PKHD1L1: variants seen among roughly 807,000 people sequenced by gnomAD.
PKHD1L1 encodes the protein fibrocystin-L.
In PKHD1L1, 434 loss-of-function variants were observed where a neutral mutation model predicts 462.9. That is an observed-to-expected ratio of 0.94 (90% CI 0.87 to 1.02). The LOEUF is 1.02. Ranked by LOEUF, PKHD1L1 falls within the 50% of genes least tolerant of loss-of-function variation. The pLI is 0.00. For synonymous variants in PKHD1L1, 1,781 were observed against 1,750.0 expected (o/e 1.02, Z -0.44); for missense variants, 5,202 against 5,096.1 (o/e 1.02, Z -0.63).
At chr8:109,433,310 AT>A (rs1815214894) in intron 28 of PKHD1L1, 94 bp downstream of exon 28, 15 of 1,054,926 alleles carry the variant, frequency 1.4e-5, no homozygotes, top group East Asian at 2.4e-5. Context: ...ATCGTGTACA[AT>A]TATCATGATC....
Position 109,443,706 on chromosome 8 carries a change from C to A in PKHD1L1, c.4595C>A (p.Ser1532Tyr), listed in dbSNP as rs1442944041. 2.5e-6 allele frequency: 4 copies of A among 1,613,366 alleles called. No individual in the cohort carries two copies. The highest frequency in any genetic ancestry group is 3.4e-6 in the Non-Finnish European group (4 of 1,179,606). The change falls in exon 37 of 78, where the codon TCT becomes TAT. Residue 1532 changes from serine to tyrosine, a missense_variant. This residue lies in a region of PKHD1L1 where 4,497 missense variants were observed against 4,336.8 expected (regional missense o/e 1.04). Coordinates refer to ENST00000378402, the MANE Select transcript of PKHD1L1 (RefSeq NM_177531.6). ...GGPENLHLGS[S>Y]VAGCLATEPL... ...CCTGAGAATTTGCACTTGGGAAGCTCTGTGGCAGGCTGCCTAGCAACAGAA... is the reference window on the plus strand; with the variant it reads ...CCTGAGAATTTGCACTTGGGAAGCTATGTGGCAGGCTGCCTAGCAACAGAA...
intron 46 of PKHD1L1, among the ~76,000 whole-genome samples, chr8:109,457,821 CTAAAGAAAT>C (rs2130807842): frequency 6.6e-6 from 1 of 152,228 alleles, no homozygotes; most frequent in East Asian, 1.9e-4. Flanking sequence ...AACTTCTTTT[CTAAAGAAAT>C]CATTGTATCA....
At chr8:109,376,558 G>T (rs1444942785) in intron 2 of PKHD1L1, among the ~76,000 whole-genome samples, 1 of 152,152 alleles carries the variant, frequency 6.6e-6, no homozygotes, top group South Asian at 2.1e-4. Context: ...TACCTCAGTT[G>T]GAAATGCAGA....
chr8:109,414,028 AC>A (rs1407674167), intron 21 of PKHD1L1, among the ~76,000 whole-genome samples: 1 of 152,112 alleles, frequency 6.6e-6, no homozygotes, highest in Non-Finnish European at 1.5e-5. Flanking sequence ...AACAAAATAA[AC>A]CTAGAGAAGC....
At position 109,454,872 on chromosome 8, in the gene PKHD1L1, A is replaced by G; in HGVS notation, c.6874+20A>G. On this transcript the variant is annotated intron_variant, in intron 45 of 77. Transcript: ENST00000378402. ...TGCACGGTACTGTGGCCAAGTGGCT[A>G]AGGGAGTTGGTAGAGGAAGACTCAC... is the stretch of plus-strand genomic sequence containing the variant. The G allele has an allele frequency of 6.2e-7, 1 of 1,603,580 alleles. No individual in the cohort carries two copies. Among genetic ancestry groups the G allele is most frequent in the Non-Finnish European group, 8.5e-7 (1 of 1,174,372 alleles).
intron 49 of PKHD1L1, among the ~76,000 whole-genome samples, 169 bp downstream of exon 49, chr8:109,465,414 G>A (rs941425429): frequency 5.3e-5 from 8 of 152,114 alleles, no homozygotes; most frequent in African/African-American, 1.4e-4. Context: ...TGAGACATTC[G>A]TTTCTGGAAG....
intron 1 of PKHD1L1, among the ~76,000 whole-genome samples, chr8:109,362,916 A>G (rs1022326020): frequency 1.3e-5 from 2 of 152,106 alleles, no homozygotes; most frequent in Admixed American, 6.6e-5. Flanking sequence ...CTGCTACTTG[A>G]ATGATGAAAT....
rs1038371667 is a variant in PKHD1L1 at position 109,436,333 on chromosome 8, T to C, written c.3506-5T>C. The C allele has an allele frequency of 6.2e-7, 1 of 1,602,266 alleles. No homozygotes were observed. The highest frequency in any genetic ancestry group is 8.5e-7 in the Non-Finnish European group (1 of 1,177,278). ...TTGTTGTTTTTGTTTGCTTTTCTTA[T>C]GAAGGTGGTACTCTACTGACTTTAT... On this transcript the variant is annotated splice_region_variant and splice_polypyrimidine_tract_variant and intron_variant, in intron 29 of 77. Coordinates refer to ENST00000378402, the MANE Select transcript of PKHD1L1 (RefSeq NM_177531.6).
intron 29 of PKHD1L1, among the ~76,000 whole-genome samples, chr8:109,436,053 C>T (rs1815389911): frequency 6.6e-6 from 1 of 152,180 alleles, no homozygotes; most frequent in African/African-American, 2.4e-5. Context: ...TGAAAAATAG[C>T]AGATGCTGCT....
At chr8:109,502,238 T>C (rs1819457870) in intron 67 of PKHD1L1, among the ~76,000 whole-genome samples, 1 of 152,182 alleles carries the variant, frequency 6.6e-6, no homozygotes, top group Non-Finnish European at 1.5e-5. Context: ...CATTTCTACT[T>C]AATGTGGGCC....
At chr8:109,462,742 A>T (rs543010103) in intron 48 of PKHD1L1, among the ~76,000 whole-genome samples, 1 of 152,038 alleles carries the variant, frequency 6.6e-6, no homozygotes, top group Non-Finnish European at 1.5e-5. Flanking sequence ...GAGTTTCACC[A>T]TGTTGGCCAG....
At chr8:109,456,133 T>C (rs1360415821) in intron 45 of PKHD1L1, 129 bp from the exon 46 acceptor site, 1 of 909,286 alleles carries the variant, frequency 1.1e-6, no homozygotes, top group East Asian at 2.8e-5. Flanking sequence ...TGGAGAAATG[T>C]GTGAAATGCT....
chr8:109,504,903 TA>T (rs967651081), intron 68 of PKHD1L1, among the ~76,000 whole-genome samples: 34 of 151,904 alleles, frequency 2.2e-4, no homozygotes, highest in African/African-American at 8.0e-4. Flanking sequence ...TCCTGGAAAA[TA>T]ACTCTGCCAC....
At chr8:109,461,589 C>CAAG (rs1817127602) in intron 47 of PKHD1L1, among the ~76,000 whole-genome samples, 183 bp from the exon 48 acceptor site, 1 of 152,030 alleles carries the variant, frequency 6.6e-6, no homozygotes, top group African/African-American at 2.4e-5. Context: ...CAAAGTTGAA[C>CAAG]AAGACAAGGT....
rs778733918 is a variant in PKHD1L1 at position 109,427,142 on chromosome 8, C to A, written c.2986C>A (p.Gln996Lys). The change falls in exon 25 of 78, where the codon CAG (glutamine) becomes AAG (lysine). Residue 996 changes from glutamine (Q) to lysine (K), a missense_variant. This residue lies in a region of PKHD1L1 where 4,497 missense variants were observed against 4,336.8 expected (regional missense o/e 1.04). Coordinates refer to ENST00000378402, the MANE Select transcript of PKHD1L1 (RefSeq NM_177531.6). ...CAAATGGAGAAGCACCTGCGGAAAG[C>A]AGAATCTTCTACAGGTTCCCTCATT... is the stretch of plus-strand genomic sequence containing the variant. The part of the protein sequence containing the change: ...NIKWRSTCGK[Q>K]NLLQINDSNI... 1.1e-5 allele frequency: 18 copies of A among 1,613,456 alleles called. No individual in the cohort carries two copies. Among genetic ancestry groups the A allele is most frequent in the Non-Finnish European group, 1.4e-5 (16 of 1,179,572 alleles).
intron 21 of PKHD1L1, among the ~76,000 whole-genome samples, chr8:109,416,345 C>G (rs1199711737): frequency 6.6e-6 from 1 of 152,128 alleles, no homozygotes. Context: ...TGTGGTAGAA[C>G]TTGAAGTGGA....
Position 109,512,788 on chromosome 8 carries a change from G to A in PKHD1L1, c.11553+1854G>A, listed in dbSNP as rs1820062769. 5.3e-5 allele frequency among the ~76,000 whole-genome samples: 8 copies of A among 151,984 alleles called. No individual in the cohort carries two copies. The South Asian group carries it at 1.7e-3, about 32-fold the overall frequency. ...TTGAATCTATAAATTACCTTGGGCA[G>A]TATGGCCATTTTCATGATATTGATT... On this transcript the variant is annotated intron_variant, in intron 71 of 77. Coordinates refer to ENST00000378402, the MANE Select transcript of PKHD1L1 (RefSeq NM_177531.6).
At chr8:109,427,528 A>G (rs1217865157) in intron 25 of PKHD1L1, among the ~76,000 whole-genome samples, 1 of 152,126 alleles carries the variant, frequency 6.6e-6, no homozygotes, top group African/African-American at 2.4e-5. Context: ...CTATCATTCT[A>G]CCACGAGAGC....
At chr8:109,462,617 C>T (rs544002720) in intron 48 of PKHD1L1, among the ~76,000 whole-genome samples, 85 of 152,288 alleles carry the variant, frequency 5.6e-4, no homozygotes, top group African/African-American at 2.0e-3. Context: ...TCTCAGCTCA[C>T]TGCAACTTCC....
Sources: allele counts gnomAD v4.1 joint callset (sites outside exome capture counted in the v4.1 genomes callset), GRCh38; gene constraint gnomAD v4.1.1; regional missense constraint gnomAD v4.1.1; transcripts MANE v1.5; gene names NCBI Gene and HGNC (gene_info 2026-07-23, HGNC 2026-07-21).